Variants in VPS16 observed in about 807,000 individuals in gnomAD.
The protein encoded by VPS16 is VPS16 core subunit of CORVET and HOPS complexes, also known as vacuolar protein sorting-associated protein 16 homolog.
VPS16 carries 82 observed loss-of-function variants against 116.0 expected under a neutral mutation model. The ratio of observed to expected loss-of-function variants is 0.71; its 90% confidence interval spans 0.59 to 0.85. The LOEUF is 0.85. Among genes scored for constraint, VPS16 ranks in the 40% least tolerant of loss-of-function variants. VPS16 has a pLI of 0.00. For synonymous variants in VPS16, 406 were observed against 420.7 expected, an observed-to-expected ratio of 0.96 and a Z score of 0.43; for missense variants, 928 against 1,090.6, an observed-to-expected ratio of 0.85 and a Z score of 2.10.
chr20:2,843,609 A>G (rs2089031212), intron 1 of VPS16, among the ~76,000 whole-genome samples: 1 of 152,238 alleles, frequency 6.6e-6, no homozygotes, highest in Non-Finnish European at 1.5e-5. Context: ...AGTTGATACA[A>G]CATTCACTTT....
rs763517357 is a variant in VPS16, at chr20:2,860,980, G to A, written c.641G>A (p.Gly214Asp). The change falls in exon 7 of 24, where the codon GGC becomes GAC. Residue 214 changes from glycine (G) to aspartate (D), a missense_variant. Transcript: ENST00000380445. The surrounding 1 kb of genome is among the most constrained non-coding windows in gnomAD (Gnocchi z 6.1). Reference protein sequence around the residue: ...HAACSAVTPPGLAPGVSSFLQ... With the variant: ...HAACSAVTPPDLAPGVSSFLQ... ...CTGGCTCTGCCTCAGACGCCCCCTG[G>A]CCTGGCCCCAGGAGTAAGCAGCTTC... 1.4e-5 allele frequency: 23 copies of A among 1,614,168 alleles called. 1 individual carries two copies. In the South Asian group the frequency reaches 2.4e-4, roughly 17 times the overall value.
rs2089253964 is a variant in VPS16 at position 2,862,936 on chromosome 20, T to C, written c.1331+2T>C. ...CGGGATCCCGCTCACCTATAGCCAG[T>C]ATCCCTGTGCACGCCAGAAGGGTAC... On this transcript the variant is annotated splice_donor_variant, in intron 13 of 23. Transcript: ENST00000380445. LOFTEE classifies it high-confidence loss of function. 1 of 1,613,796 alleles carries C rather than the reference T, an allele frequency of 6.2e-7. No homozygotes were observed.
rs778491613 is a variant in VPS16, at chr20:2,862,057, C to T, written c.998C>T (p.Ala333Val). 3 of 1,613,682 alleles carry T rather than the reference C, an allele frequency of 1.9e-6. No homozygotes were observed. In the African/African-American group the frequency reaches 4.0e-5, roughly 22 times the overall value. Residue 333 changes from alanine to valine, a missense_variant, in exon 11 of 24, where the codon GCC becomes GTC. Transcript: ENST00000380445. ...ACTCACCAACTCCCTTCCCCAGCGGCCAGCGAGGAAATCTTCAAAATTGCC... is the reference window on the plus strand; with the variant it reads ...ACTCACCAACTCCCTTCCCCAGCGGTCAGCGAGGAAATCTTCAAAATTGCC... The part of the protein sequence containing the change: ...THEFLHEVPA[A>V]SEEIFKIASM...
rs1034348685 is a variant in VPS16 at position 2,861,391 on chromosome 20, A to G, written c.809+111A>G. 10 of 1,537,504 alleles carry G rather than the reference A, an allele frequency of 6.5e-6. No homozygotes were observed. In the Admixed American group the frequency reaches 1.1e-4, roughly 16 times the overall value. ...ACTGGCCAAGCCTAGTGGAGTTTGG[A>G]TCTTACCTTCTCTGCCATTGCACAC... On this transcript the variant is annotated intron_variant, in intron 8 of 23. Coordinates refer to ENST00000380445, the MANE Select transcript of VPS16 (RefSeq NM_022575.4).
At chr20:2,858,524 A>C (rs2089197199) in intron 1 of VPS16, among the ~76,000 whole-genome samples, 1 of 152,186 alleles carries the variant, frequency 6.6e-6, no homozygotes, top group Non-Finnish European at 1.5e-5. Context: ...CTAGAACCAC[A>C]ACAAGGATGT....
chr20:2,848,622 GT>G (rs1393164145), intron 1 of VPS16, among the ~76,000 whole-genome samples: 1 of 152,182 alleles, frequency 6.6e-6, no homozygotes, highest in Non-Finnish European at 1.5e-5. Context: ...GTAAATTTAG[GT>G]CAGCTGCTTG....
Position 2,861,037 on chromosome 20 carries a change from A to G in VPS16, c.698A>G (p.His233Arg), listed in dbSNP as rs1257163132. ...LQMAVSFTYR[H>R]LALFTDTGYI... is the part of the protein sequence containing the mutation. ...ATGGCTGTCTCCTTCACCTACCGAC[A>G]CCTGGCACTCTTCACAGACACAGGC... The change falls in exon 7 of 24, where the codon CAC (histidine) becomes CGC (arginine). Residue 233 changes from histidine (H) to arginine (R), a missense_variant. By Grantham distance (29) the His-to-Arg change is conservative. Transcript: ENST00000380445. The G allele has an allele frequency of 2.5e-6, 4 of 1,614,016 alleles. No homozygotes were observed. Among genetic ancestry groups the G allele is most frequent in the Non-Finnish European group, 2.5e-6 (3 of 1,180,036 alleles).
intron 1 of VPS16, among the ~76,000 whole-genome samples, chr20:2,858,979 A>G (rs1049207387): frequency 6.6e-6 from 1 of 152,186 alleles, no homozygotes; most frequent in Admixed American, 6.6e-5. Context: ...ACCCCTGGGT[A>G]TAAAGCCCAC....
intron 1 of VPS16, chr20:2,841,030 C>A: frequency 1.7e-6 from 1 of 588,608 alleles, no homozygotes. Context: ...GAAACTGAGG[C>A]AAGCACAGTG....
chr20:2,854,265 A>G (rs2089150030), intron 1 of VPS16, among the ~76,000 whole-genome samples: 1 of 148,896 alleles, frequency 6.7e-6, no homozygotes, highest in East Asian at 2.0e-4. Flanking sequence ...ACACACACAC[A>G]AATTTTTTAG....
Position 2,855,527 on chromosome 20 carries a change from G to T in VPS16, c.54-4192G>T, listed in dbSNP as rs150461939. 1.2e-4 allele frequency among the ~76,000 whole-genome samples: 19 copies of T among 152,252 alleles called. No individual in the cohort carries two copies. In the East Asian group the frequency reaches 3.7e-3, roughly 29 times the overall value. On this transcript the variant is annotated intron_variant, in intron 1 of 23. Coordinates refer to ENST00000380445, the MANE Select transcript of VPS16 (RefSeq NM_022575.4). ...AAGAGTGTCAGCCCTGTCCTTACAC[G>T]CTTTGAAGCCAGGTGTTGACTTCTT... is the stretch of plus-strand genomic sequence containing the variant.
At position 2,860,510 on chromosome 20, in the gene VPS16, T is replaced by C. The variant is rs764458785; in HGVS notation, c.431T>C (p.Val144Ala). The stretch of plus-strand genomic sequence containing the variant: ...TTTCACACTGAGTTTGGTTCCGGAG[T>C]GGCCATCCTCACAGGGGCCCACCGC... ...RIFHTEFGSG[V>A]AILTGAHRFT... Residue 144 changes from valine (V) to alanine (A), a missense_variant, in exon 5 of 24, where the codon GTG (valine) becomes GCG (alanine). By Grantham distance (64) the Val-to-Ala change is moderately conservative. Coordinates refer to ENST00000380445, the MANE Select transcript of VPS16 (RefSeq NM_022575.4). This position sits in a 1 kb window ranked among gnomAD's most constrained non-coding sequence, Gnocchi z 6.1. The C allele has an allele frequency of 3.1e-6, 5 of 1,613,704 alleles. No individual in the cohort carries two copies. The highest frequency in any genetic ancestry group is 3.4e-6 in the Non-Finnish European group (4 of 1,179,978).
chr20:2,859,259 A>G (rs143727829), intron 1 of VPS16, among the ~76,000 whole-genome samples: 3 of 152,318 alleles, frequency 2.0e-5, no homozygotes, highest in African/African-American at 7.2e-5. Context: ...ACTGCACCTC[A>G]GCCTGGGCAA....
In VPS16 at chr20:2,863,279, G is replaced by A. The variant is rs1293869870; in HGVS notation, c.1368-11G>A. On this transcript the variant is annotated splice_polypyrimidine_tract_variant and intron_variant, in intron 14 of 23. Transcript: ENST00000380445. The surrounding 1 kb of genome is among the most constrained non-coding windows in gnomAD (Gnocchi z 4.4). Reference sequence around the variant, plus strand: ...TCACTCCTTGTATCCTTTACCCACCGGGTCTACCAGGCTCGTGTTGCGGAG... The same window carrying A: ...TCACTCCTTGTATCCTTTACCCACCAGGTCTACCAGGCTCGTGTTGCGGAG... The A allele has an allele frequency of 2.5e-6, 4 of 1,614,082 alleles. No individual in the cohort carries two copies. The highest frequency in any genetic ancestry group is 2.5e-6 in the Non-Finnish European group (3 of 1,179,988).
chr20:2,861,993 G>A (rs2089233585), intron 10 of VPS16, 61 bp from the exon 11 acceptor site: 2 of 1,607,476 alleles, frequency 1.2e-6, no homozygotes, highest in Non-Finnish European at 1.7e-6. Flanking sequence ...GGAATAGGGT[G>A]TTGAGGCAGG....
chr20:2,856,429 A>C (rs950610358), intron 1 of VPS16, among the ~76,000 whole-genome samples: 2 of 152,200 alleles, frequency 1.3e-5, no homozygotes, highest in Admixed American at 6.5e-5. Context: ...TGAAGTGAGC[A>C]CATGCAGTTG....
rs963342003 is a variant in VPS16 at position 2,862,200 on chromosome 20, T to C, written c.1071+70T>C. 80 of 1,529,382 alleles carry C rather than the reference T, an allele frequency of 5.2e-5. No individual in the cohort carries two copies. The Middle Eastern group carries it at 7.4e-4, about 14-fold the overall frequency. 94.7% of individuals were successfully genotyped at this position (1,529,382 alleles called of 1,614,324 possible). A position where few individuals can be genotyped will look rare whatever the true frequency, so the allele number is the denominator to read the frequency against. ...GCCCCTGCGTGGGCATGTGTGAGCA[T>C]AGCCAGGTGCCACCTGTCAAGAGAG... is the stretch of plus-strand genomic sequence containing the variant. On this transcript the variant is annotated intron_variant, in intron 11 of 23. Transcript: ENST00000380445.
At position 2,859,758 on chromosome 20, in the gene VPS16, G is replaced by A. The variant is rs372854938; in HGVS notation, c.93G>A (p.Glu31=). Residue 31 remains glutamate (E), a synonymous_variant, in exon 2 of 24, where the codon GAG becomes GAA. Transcript: ENST00000380445. Reference sequence around the variant, plus strand: ...ACAGCATGGACTGGGACCTGAAGGAGGAACTCAGGGATTGCCTGGTGGCTG... The same window carrying A: ...ACAGCATGGACTGGGACCTGAAGGAAGAACTCAGGGATTGCCTGGTGGCTG... ...ELYSMDWDLK[E]ELRDCLVAAA... 3 of 1,613,016 alleles carry A rather than the reference G, an allele frequency of 1.9e-6. No individual in the cohort carries two copies. In the African/African-American group the frequency reaches 4.0e-5, roughly 22 times the overall value.
chr20:2,856,754 T>C (rs1385501401), intron 1 of VPS16, among the ~76,000 whole-genome samples: 1 of 152,202 alleles, frequency 6.6e-6, no homozygotes, highest in Non-Finnish European at 1.5e-5. Context: ...AAATGCTAGC[T>C]TTATTATTTG....
Sources: gnomAD v4.1 joint callset for allele counts (sites outside exome capture counted in the v4.1 genomes callset) on GRCh38, gnomAD v4.1.1 for gene constraint, Gnocchi (gnomAD v3.1) non-coding constraint, MANE v1.5 for transcripts, NCBI Gene and HGNC (gene_info 2026-07-23, HGNC 2026-07-21) for gene names.